The following NPHP4 variants were observed in gnomAD, a reference collection of about 807,000 sequenced individuals.
NPHP4 encodes the protein nephrocystin 4.
NPHP4 carries 151 observed loss-of-function variants against 155.8 expected under a neutral mutation model. The ratio of observed to expected loss-of-function variants is 0.97; its 90% confidence interval spans 0.85 to 1.11. NPHP4 has a LOEUF of 1.11. NPHP4 is among the 50% of genes least tolerant of loss of function. The pLI is 0.00. For synonymous variants in NPHP4, 845 were observed against 816.8 expected, an observed-to-expected ratio of 1.03 and a Z score of -0.59; for missense variants, 1,956 against 1,925.7, an observed-to-expected ratio of 1.02 and a Z score of -0.29.
chr1:5,917,040 G>C (rs1460680802), intron 11 of NPHP4, among the ~76,000 whole-genome samples: 1 of 152,236 alleles, frequency 6.6e-6, no homozygotes, highest in African/African-American at 2.4e-5. Context: ...CCTGGACTGG[G>C]ATCGGGAGAC....
In NPHP4 at chr1:5,960,496, C is replaced by T. The variant is rs1406660037; in HGVS notation, c.673+1298G>A. Reference sequence around the variant, plus strand: ...CCTTTTCTTCAGGGTCCAGAATGAGCCAAACTCTCAGCACAGCACTGCTCT... The same window carrying T: ...CCTTTTCTTCAGGGTCCAGAATGAGTCAAACTCTCAGCACAGCACTGCTCT... On this transcript the variant is annotated intron_variant, in intron 6 of 29. Transcript: ENST00000378156. Among the ~76,000 whole-genome samples, 20 of 152,220 alleles carry T rather than the reference C, an allele frequency of 1.3e-4. 1 individual carries two copies. The highest frequency in any genetic ancestry group is 1.3e-3 in the Admixed American group (20 of 15,290).
Position 5,927,727 on chromosome 1 carries a change from G to C in NPHP4, c.1363C>G (p.Leu455Val). ...FQFSLGSEEHLDAPTEPVSGP... is the reference protein window; with the variant it reads ...FQFSLGSEEHVDAPTEPVSGP... Reference sequence around the variant, plus strand: ...CTGACAGGCTCCGTGGGTGCATCCAGGTGTTCTTCTGAGCCCAGCGAGAAC... The same window carrying C: ...CTGACAGGCTCCGTGGGTGCATCCACGTGTTCTTCTGAGCCCAGCGAGAAC... Residue 455 changes from leucine (L) to valine (V), a missense_variant, in exon 11 of 30, where the codon CTG becomes GTG. Leu to Val is a conservative substitution (Grantham distance 32). Transcript: ENST00000378156. 6.2e-7 allele frequency: 1 copy of C among 1,613,546 alleles called. No individual in the cohort carries two copies. The highest frequency in any genetic ancestry group is 8.5e-7 in the Non-Finnish European group (1 of 1,179,586).
chr1:5,867,496 C>A lies in NPHP4; in HGVS notation c.3472+244G>T. The A allele has an allele frequency of 1.7e-6, 1 of 577,896 alleles. No homozygotes were observed. The highest frequency in any genetic ancestry group is 2.9e-5 in the East Asian group (1 of 34,522). 35.8% of individuals were successfully genotyped at this position (577,896 alleles called of 1,614,324 possible). A position where few individuals can be genotyped will look rare whatever the true frequency, so the allele number is the denominator to read the frequency against. On this transcript the variant is annotated intron_variant, in intron 24 of 29. Transcript: ENST00000378156. This position sits in a 1 kb window ranked among gnomAD's most constrained non-coding sequence, Gnocchi z 4.1. ...TCCAGGCACACCTGGACCTGGGCCG[C>A]GGGAGCTGGGATTTTTTAGAAGGGC...
chr1:5,964,966 C>T (rs1360249468), intron 5 of NPHP4, among the ~76,000 whole-genome samples: 1 of 59,628 alleles, frequency 1.7e-5, no homozygotes, highest in Admixed American at 2.0e-4. Flanking sequence ...GGCAGGGTCT[C>T]ACCGTCGCCC....
chr1:5,905,839 C>A lies in NPHP4; in HGVS notation c.1612-56G>T, dbSNP rs1377347208. 2 of 1,528,260 alleles carry A rather than the reference C, an allele frequency of 1.3e-6. No individual in the cohort carries two copies. The highest frequency in any genetic ancestry group is 1.9e-5 in the Admixed American group (1 of 51,800). 94.7% of individuals were successfully genotyped at this position (1,528,260 alleles called of 1,614,324 possible). A position where few individuals can be genotyped will look rare whatever the true frequency, so the allele number is the denominator to read the frequency against. ...CACCAAGGACCCCAACCCGTAACAACCAACGGTGCTCAGATCTAAGGGGAT... is the reference window on the plus strand; with the variant it reads ...CACCAAGGACCCCAACCCGTAACAAACAACGGTGCTCAGATCTAAGGGGAT... On this transcript the variant is annotated intron_variant, in intron 13 of 29. Transcript: ENST00000378156. This position sits in a 1 kb window ranked among gnomAD's most constrained non-coding sequence, Gnocchi z 4.0.
rs973175628 is a variant in NPHP4 at position 5,890,443 on chromosome 1, T to C, written c.2304+425A>G. 2.6e-5 allele frequency among the ~76,000 whole-genome samples: 4 copies of C among 152,086 alleles called. No individual in the cohort carries two copies. The highest frequency in any genetic ancestry group is 5.9e-5 in the Non-Finnish European group (4 of 68,018). ...AAAGAGATTCTAATTTTCACCAGAA[T>C]GAGAAAAGAACAACACGTCACTGAC... On this transcript the variant is annotated intron_variant, in intron 17 of 29. Transcript: ENST00000378156. The surrounding 1 kb of genome is among the most constrained non-coding windows in gnomAD (Gnocchi z 4.9).
chr1:5,924,898 C>T (rs1356303656), intron 11 of NPHP4, among the ~76,000 whole-genome samples: 1 of 152,144 alleles, frequency 6.6e-6, no homozygotes, highest in Non-Finnish European at 1.5e-5. Context: ...TCAAGTGATC[C>T]TCCTGCCTCA....
intron 11 of NPHP4, among the ~76,000 whole-genome samples, chr1:5,911,468 C>T (rs545686219): frequency 2.2e-4 from 34 of 152,340 alleles, no homozygotes; most frequent in African/African-American, 7.9e-4. Flanking sequence ...TGTGCGTCCT[C>T]TTGGGGAGGA....
chr1:5,863,862 A>T (rs761632746), intron 29 of NPHP4, 28 bp downstream of exon 29: 1 of 1,612,256 alleles, frequency 6.2e-7, no homozygotes, highest in South Asian at 1.1e-5. Context: ...GTCTTCCCCT[A>T]GGAGTCCCAG....
chr1:5,931,688 T>G (rs1646280567), intron 10 of NPHP4, among the ~76,000 whole-genome samples: 1 of 133,194 alleles, frequency 7.5e-6, no homozygotes, highest in Non-Finnish European at 1.5e-5. Flanking sequence ...GAGCTGAGAC[T>G]GCGCCACTGC....
intron 11 of NPHP4, among the ~76,000 whole-genome samples, chr1:5,919,215 A>C (rs140244150): frequency 4.4e-4 from 67 of 152,360 alleles, no homozygotes; most frequent in African/African-American, 1.5e-3. Flanking sequence ...ATTGGGCCTC[A>C]ATTGTAGAAA....
Position 5,864,511 on chromosome 1 carries a change from G to C in NPHP4, c.3823C>G (p.Pro1275Ala). Residue 1275 changes from proline (P) to alanine (A), a missense_variant, in exon 28 of 30, where the codon CCC becomes GCC. Transcript: ENST00000378156. ...GGCGGCAGCACGAAGACACCTTTGG[G>C]GTCTGTCTTCAAGAGCGAGAGAGGC... is the stretch of plus-strand genomic sequence containing the variant. ...TSHPQELKTD[P>A]KGVFVLPPRG... is the part of the protein sequence containing the mutation. 1 of 1,571,680 alleles carries C rather than the reference G, an allele frequency of 6.4e-7. No individual in the cohort carries two copies. The highest frequency in any genetic ancestry group is 1.7e-4 in the Middle Eastern group (1 of 5,932).
chr1:5,888,933 C>G (rs564720825), intron 17 of NPHP4, among the ~76,000 whole-genome samples: 1 of 152,152 alleles, frequency 6.6e-6, no homozygotes, highest in Admixed American at 6.5e-5. Context: ...GCACAAGCCC[C>G]GGAGACAGAA....
intron 26 of NPHP4, 119 bp downstream of exon 26, chr1:5,866,254 C>T (rs1300976406): frequency 1.9e-5 from 14 of 753,076 alleles, no homozygotes; most frequent in East Asian, 5.4e-5. Context: ...AGCGAAGGCC[C>T]GAAAGCTCCC....
chr1:5,915,070 G>A (rs1645398235), intron 11 of NPHP4, among the ~76,000 whole-genome samples: 1 of 152,242 alleles, frequency 6.6e-6, no homozygotes, highest in Non-Finnish European at 1.5e-5. Flanking sequence ...GCTGAGCAAA[G>A]CTGCCTGCAT....
At chr1:5,894,938 G>A (rs925036154) in intron 16 of NPHP4, among the ~76,000 whole-genome samples, 2 of 152,140 alleles carry the variant, frequency 1.3e-5, no homozygotes, top group African/African-American at 4.8e-5. Flanking sequence ...CAACCCAAAT[G>A]TCCATCAATG....
chr1:5,945,183 C>T (rs1231935488), intron 9 of NPHP4, among the ~76,000 whole-genome samples: 2 of 152,154 alleles, frequency 1.3e-5, no homozygotes, highest in Non-Finnish European at 2.9e-5. Flanking sequence ...GAGAGTGAGG[C>T]GCCAGCCCTC....
At chr1:5,988,705 G>A (rs1242565167) in intron 1 of NPHP4, among the ~76,000 whole-genome samples, 1 of 152,196 alleles carries the variant, frequency 6.6e-6, no homozygotes, top group Non-Finnish European at 1.5e-5. Flanking sequence ...CCCGGCATGT[G>A]TGGGAACCGA....
intron 12 of NPHP4, among the ~76,000 whole-genome samples, chr1:5,908,786 G>A (rs1169184858): frequency 6.6e-6 from 1 of 152,252 alleles, no homozygotes; most frequent in Non-Finnish European, 1.5e-5. Context: ...GCTACTGGTG[G>A]AGTTAGTCTG....
Sources: gnomAD v4.1 joint callset for allele counts (sites outside exome capture counted in the v4.1 genomes callset) on GRCh38, gnomAD v4.1.1 for gene constraint, Gnocchi (gnomAD v3.1) non-coding constraint, MANE v1.5 for transcripts, NCBI Gene and HGNC (gene_info 2026-07-23, HGNC 2026-07-21) for gene names.